CNTNAP2: variants seen among roughly 807,000 people sequenced by gnomAD.
CNTNAP2 encodes contactin-associated protein-like 2.
In CNTNAP2, 98 loss-of-function variants were observed where a neutral mutation model predicts 155.2. The observed-to-expected ratio is 0.63, with a 90% CI of 0.54 to 0.75. The LOEUF (loss-of-function observed/expected upper bound fraction) is 0.75. CNTNAP2 is among the 30% of genes least tolerant of loss of function. The probability of loss-of-function intolerance (pLI) is 0.00; values close to 1 mark genes in which losing one functional copy is unlikely to be tolerated. For missense variants in CNTNAP2, 1,727 were observed against 1,688.1 expected, an observed-to-expected ratio of 1.02 and a Z score of -0.40; for synonymous variants, 651 against 631.2, an observed-to-expected ratio of 1.03 and a Z score of -0.47.
At chr7:148,150,402 G>C (rs1392358994) in intron 17 of CNTNAP2, among the ~76,000 whole-genome samples, 2 of 152,014 alleles carry the variant, frequency 1.3e-5, no homozygotes, top group African/African-American at 4.8e-5. Flanking sequence ...CAAAAAATTA[G>C]CCAGGCATGG....
At chr7:146,823,401 T>C (rs1803333375) in intron 2 of CNTNAP2, among the ~76,000 whole-genome samples, 1 of 132,044 alleles carries the variant, frequency 7.6e-6, no homozygotes. Flanking sequence ...TTCAGTATAT[T>C]TCCATGTAAA....
At chr7:146,881,231 T>C (rs1257821495) in intron 3 of CNTNAP2, among the ~76,000 whole-genome samples, 1 of 152,146 alleles carries the variant, frequency 6.6e-6, no homozygotes, top group Non-Finnish European at 1.5e-5. Flanking sequence ...TAAAACTGTA[T>C]TGGTTTTCTC....
intron 13 of CNTNAP2, among the ~76,000 whole-genome samples, chr7:147,849,332 T>C (rs1007355298): frequency 6.6e-6 from 1 of 152,248 alleles, no homozygotes; most frequent in African/African-American, 2.4e-5. Context: ...CTCAGCATCA[T>C]TGTTTGTAGG....
intron 8 of CNTNAP2, among the ~76,000 whole-genome samples, chr7:147,238,266 C>G (rs542675721): frequency 8.5e-5 from 13 of 152,140 alleles, no homozygotes; most frequent in Admixed American, 7.9e-4. Flanking sequence ...CCGCCCACCT[C>G]GGCCTCCCAA....
chr7:146,142,408 A>G (rs1797894062), intron 1 of CNTNAP2, among the ~76,000 whole-genome samples: 1 of 152,194 alleles, frequency 6.6e-6, no homozygotes, highest in South Asian at 2.1e-4. Context: ...CTTTATACAC[A>G]GGCATGATGA....
At chr7:147,267,388 C>T (rs184585641) in intron 8 of CNTNAP2, among the ~76,000 whole-genome samples, 12 of 152,242 alleles carry the variant, frequency 7.9e-5, no homozygotes, top group South Asian at 2.1e-4. Flanking sequence ...TGATACTCAA[C>T]GATTGAGGAG....
intron 20 of CNTNAP2, among the ~76,000 whole-genome samples, chr7:148,239,559 T>A (rs1182135983): frequency 2.6e-5 from 4 of 152,220 alleles, no homozygotes; most frequent in Non-Finnish European, 5.9e-5. Context: ...CTCATTAGCT[T>A]TTGTAATGTC....
At chr7:146,685,031 A>G (rs769893569) in intron 1 of CNTNAP2, among the ~76,000 whole-genome samples, 13 of 152,198 alleles carry the variant, frequency 8.5e-5, no homozygotes, top group Non-Finnish European at 1.3e-4. Flanking sequence ...CAGTTAATAC[A>G]GAGTATTTTA....
chr7:147,195,295 C>A lies in CNTNAP2; in HGVS notation c.1348+62786C>A, dbSNP rs548455865. 3.3e-5 allele frequency among the ~76,000 whole-genome samples: 5 copies of A among 152,200 alleles called. No individual in the cohort carries two copies. In the South Asian group the frequency reaches 1.0e-3, roughly 32 times the overall value. On this transcript the variant is annotated intron_variant, in intron 8 of 23. Transcript: ENST00000361727. ...ATTAGTCTATATGTCTGTTTTGGTA[C>A]CAGTACCATGCTGTTTTGGTTACTG...
At chr7:146,459,058 G>A (rs1169842443) in intron 1 of CNTNAP2, among the ~76,000 whole-genome samples, 1 of 151,970 alleles carries the variant, frequency 6.6e-6, no homozygotes, top group Non-Finnish European at 1.5e-5. Context: ...CAATCAGAAG[G>A]CAACAAGATT....
chr7:147,814,415 T>C (rs367931983), intron 13 of CNTNAP2, among the ~76,000 whole-genome samples: 2 of 152,206 alleles, frequency 1.3e-5, no homozygotes, highest in Admixed American at 6.5e-5. Context: ...ATGGTGTAGC[T>C]GCATTTGGCA....
intron 1 of CNTNAP2, among the ~76,000 whole-genome samples, chr7:146,721,411 T>C (rs185809395): frequency 0.011 from 1,381 of 129,500 alleles, 36 homozygotes; most frequent in African/African-American, 0.038. Context: ...TCTATATATA[T>C]TCTATATATA....
Position 146,888,904 on chromosome 7 carries a change from T to A in CNTNAP2, c.402+49000T>A, listed in dbSNP as rs528039460. Among the ~76,000 whole-genome samples, 3 of 152,132 alleles carry A rather than the reference T, an allele frequency of 2.0e-5. No homozygotes were observed. The East Asian group carries it at 5.8e-4, about 29-fold the overall frequency. On this transcript the variant is annotated intron_variant, in intron 3 of 23. Transcript: ENST00000361727. ...ATCTCAGTTATGCAAGGTAAATAAG[T>A]CCTGGAGAGCTAGTATCAAGCACAG...
chr7:147,111,881 G>GT (rs995049975), intron 5 of CNTNAP2, among the ~76,000 whole-genome samples: 1 of 152,062 alleles, frequency 6.6e-6, no homozygotes, highest in African/African-American at 2.4e-5. Flanking sequence ...TTTTTAAATA[G>GT]TTTTTTTAAA....
chr7:147,427,023 G>A (rs574142438), intron 10 of CNTNAP2, among the ~76,000 whole-genome samples: 3 of 152,214 alleles, frequency 2.0e-5, no homozygotes, highest in East Asian at 3.9e-4. Context: ...TGGTTCTGGA[G>A]GATGGGAAGT....
chr7:147,426,020 G>T (rs1288336996), intron 10 of CNTNAP2, among the ~76,000 whole-genome samples: 1 of 152,066 alleles, frequency 6.6e-6, no homozygotes, highest in Non-Finnish European at 1.5e-5. Context: ...ATGAATTTAA[G>T]ATTTAGAGAT....
chr7:147,037,597 G>T (rs1211239271), intron 3 of CNTNAP2, among the ~76,000 whole-genome samples: 2 of 151,886 alleles, frequency 1.3e-5, no homozygotes, highest in Non-Finnish European at 2.9e-5. Flanking sequence ...GAGTAGCTGG[G>T]ATTACAGGTG....
intron 15 of CNTNAP2, among the ~76,000 whole-genome samples, chr7:148,018,730 C>T (rs1245718584): frequency 1.3e-5 from 2 of 152,192 alleles, no homozygotes; most frequent in African/African-American, 2.4e-5. Flanking sequence ...AGACCTTTGT[C>T]GTGGGAAGGA....
At position 147,939,392 on chromosome 7, in the gene CNTNAP2, G is replaced by A. The variant is rs185167405; in HGVS notation, c.2255+35671G>A. On this transcript the variant is annotated intron_variant, in intron 14 of 23. Coordinates refer to ENST00000361727, the MANE Select transcript of CNTNAP2 (RefSeq NM_014141.6). ...GGCCCAGGCTGGAGTGCAGTGGCAC[G>A]ATCTCAGCTCACTGCAACCTCTGCC... Among the ~76,000 whole-genome samples the A allele has an allele frequency of 3.5e-4, 53 of 151,946 alleles. 1 individual carries two copies. Among genetic ancestry groups the A allele is most frequent in the African/African-American group, 1.2e-3 (48 of 41,414 alleles).
Sources: allele counts gnomAD v4.1 joint callset (sites outside exome capture counted in the v4.1 genomes callset), GRCh38; gene constraint gnomAD v4.1.1; transcripts MANE v1.5; gene names NCBI Gene and HGNC (gene_info 2026-07-23, HGNC 2026-07-21).